The following GSDME variants were observed in gnomAD, a reference collection of about 807,000 sequenced individuals.
GSDME encodes the protein gasdermin-E.
Under a neutral mutation model 47.5 loss-of-function variants are expected in GSDME, and 44 were observed. The ratio of observed to expected loss-of-function variants is 0.93; its 90% CI spans 0.73 to 1.19. The LOEUF (loss-of-function observed/expected upper bound fraction) is 1.19. GSDME is among the 50% of genes most tolerant of loss of function. The pLI is 0.00. For synonymous variants in GSDME, 258 were observed against 252.8 expected (o/e 1.02, Z -0.20); for missense variants, 663 against 604.2 (o/e 1.10, Z -1.02).
At chr7:24,717,169 C>T (rs1789593109) in intron 5 of GSDME, 85 bp downstream of exon 5, 10 of 1,166,476 alleles carry the variant, frequency 8.6e-6, no homozygotes, top group Non-Finnish European at 1.2e-5. Context: ...CCAAAGCAGT[C>T]GAGTCCTCTG....
chr7:24,765,280 T>G, the GSDME span, among the ~76,000 whole-genome samples: 5 of 152,236 alleles, frequency 3.3e-5, no homozygotes, highest in Admixed American at 6.5e-5. Context: ...GGATCCTTTC[T>G]TGTCGAAAAT....
At chr7:24,711,159 C>T (rs1789337849) in intron 5 of GSDME, among the ~76,000 whole-genome samples, 1 of 152,172 alleles carries the variant, frequency 6.6e-6, no homozygotes, top group African/African-American at 2.4e-5. Context: ...CACATGGGAG[C>T]TCACTACATT....
intron 1 of GSDME, among the ~76,000 whole-genome samples, chr7:24,755,621 C>T (rs1790990085): frequency 6.6e-6 from 1 of 152,198 alleles, no homozygotes; most frequent in South Asian, 2.1e-4. Flanking sequence ...AGGTCTTTGA[C>T]TGGAGGGGAT....
At chr7:24,741,293 GAAT>G (rs1280661466) in intron 3 of GSDME, among the ~76,000 whole-genome samples, 5 of 151,574 alleles carry the variant, frequency 3.3e-5, no homozygotes, top group African/African-American at 1.2e-4. Context: ...GCGTATTACA[GAAT>G]AATAATGAAA....
At chr7:24,730,862 A>T (rs1382004453) in intron 3 of GSDME, among the ~76,000 whole-genome samples, 1 of 152,136 alleles carries the variant, frequency 6.6e-6, no homozygotes, top group Non-Finnish European at 1.5e-5. Context: ...AGACAAGGTG[A>T]TTTCTGTAAA....
At chr7:24,706,840 G>C (rs945410383) in intron 7 of GSDME, among the ~76,000 whole-genome samples, 1 of 151,642 alleles carries the variant, frequency 6.6e-6, no homozygotes. Context: ...GAGCCAGTTC[G>C]GACCACCCCG....
chr7:24,751,112 T>C (rs1267249942), intron 1 of GSDME, among the ~76,000 whole-genome samples: 1 of 152,194 alleles, frequency 6.6e-6, no homozygotes, highest in Non-Finnish European at 1.5e-5. Context: ...TTGTAATATT[T>C]ATGAGAGGGA....
chr7:24,713,639 C>T (rs1392599076), intron 5 of GSDME, among the ~76,000 whole-genome samples: 2 of 152,190 alleles, frequency 1.3e-5, no homozygotes, highest in South Asian at 2.1e-4. Flanking sequence ...AGGGAAGGCA[C>T]GAGACCCATG....
chr7:24,770,314 A>G, the GSDME span, among the ~76,000 whole-genome samples: 1 of 152,196 alleles, frequency 6.6e-6, no homozygotes, highest in Non-Finnish European at 1.5e-5. This position sits in a 1 kb window ranked among gnomAD's most constrained non-coding sequence, Gnocchi z 4.6. Context: ...TCCTCCCTCC[A>G]CCCATATCTT....
At chr7:24,793,789 T>C in the GSDME span, among the ~76,000 whole-genome samples, 85 of 151,954 alleles carry the variant, frequency 5.6e-4, no homozygotes, top group South Asian at 1.2e-3. Flanking sequence ...CTTTTCTTTT[T>C]TTTTTTTTTT....
intron 9 of GSDME, among the ~76,000 whole-genome samples, chr7:24,699,565 C>A (rs1180345151): frequency 6.6e-6 from 1 of 152,146 alleles, no homozygotes; most frequent in Non-Finnish European, 1.5e-5. Flanking sequence ...GTCTCAAATT[C>A]CTGACCTCAG....
the GSDME span, among the ~76,000 whole-genome samples, chr7:24,775,895 A>AAAAG: frequency 6.8e-6 from 1 of 146,768 alleles, no homozygotes; most frequent in African/African-American, 2.5e-5. Context: ...AAAAAAAAAA[A>AAAAG]AAGGCCAGGC....
Position 24,756,263 on chromosome 7 carries a change from G to A in GSDME, c.-20+1133C>T, listed in dbSNP as rs938859589. ...GGCACCTGCGGTCTCAGCTACGGGT[G>A]TATGGGAGGATCCCTTGAGCCCAGG... On this transcript the variant is annotated intron_variant, in intron 1 of 9. Coordinates refer to ENST00000645220, the MANE Select transcript of GSDME (RefSeq NM_001127453.2). The surrounding 1 kb of genome is among the most constrained non-coding windows in gnomAD (Gnocchi z 4.2). 6.6e-6 allele frequency among the ~76,000 whole-genome samples: 1 copy of A among 152,182 alleles called. No individual in the cohort carries two copies. Among genetic ancestry groups the A allele is most frequent in the African/African-American group, 2.4e-5 (1 of 41,430 alleles).
chr7:24,722,966 AT>A (rs1481517497), intron 3 of GSDME, among the ~76,000 whole-genome samples: 1 of 152,194 alleles, frequency 6.6e-6, no homozygotes, highest in East Asian at 1.9e-4. Context: ...CAAGGCTAGG[AT>A]TCGGGTGACC....
At chr7:24,776,910 A>T in the GSDME span, among the ~76,000 whole-genome samples, 1 of 152,134 alleles carries the variant, frequency 6.6e-6, no homozygotes, top group Non-Finnish European at 1.5e-5. Flanking sequence ...CAAACTATTA[A>T]CAGTGTTTTC....
rs533440488 is a variant in GSDME at position 24,739,770 on chromosome 7, C to T, written c.404+4792G>A. ...ATAAAGAAAATGTGGTAAATATACACGATAGAGTACTATTTAGTCATTAAA... is the reference window on the plus strand; with the variant it reads ...ATAAAGAAAATGTGGTAAATATACATGATAGAGTACTATTTAGTCATTAAA... On this transcript the variant is annotated intron_variant, in intron 3 of 9. Coordinates refer to ENST00000645220, the MANE Select transcript of GSDME (RefSeq NM_001127453.2). The surrounding 1 kb of genome is among the most constrained non-coding windows in gnomAD (Gnocchi z 5.1). Among the ~76,000 whole-genome samples the T allele has an allele frequency of 5.3e-5, 8 of 151,976 alleles. No individual in the cohort carries two copies. The highest frequency in any genetic ancestry group is 9.7e-5 in the African/African-American group (4 of 41,348).
upstream of GSDME, among the ~76,000 whole-genome samples, chr7:24,762,708 G>A (rs1215479982): frequency 6.6e-6 from 1 of 152,140 alleles, no homozygotes; most frequent in African/African-American, 2.4e-5. Flanking sequence ...TAGAGGATGA[G>A]AAGTACAATG....
In GSDME at chr7:24,714,023, G is replaced by C. The variant is rs145559132; in HGVS notation, c.697+3231C>G. Among the ~76,000 whole-genome samples the C allele has an allele frequency of 1.3e-5, 2 of 152,326 alleles. No individual in the cohort carries two copies. Among genetic ancestry groups the C allele is most frequent in the South Asian group, 2.1e-4 (1 of 4,830 alleles). ...CAGTGGGGAGACGTGCACAGATTCA[G>C]GTGCAGCGTGGGAAACAGGTTCACG... is the stretch of plus-strand genomic sequence containing the variant. On this transcript the variant is annotated intron_variant, in intron 5 of 9. Transcript: ENST00000645220. The surrounding 1 kb of genome is among the most constrained non-coding windows in gnomAD (Gnocchi z 5.0).
At chr7:24,701,814 T>C (rs1399635367) in intron 9 of GSDME, among the ~76,000 whole-genome samples, 1 of 152,246 alleles carries the variant, frequency 6.6e-6, no homozygotes, top group African/African-American at 2.4e-5. Context: ...CTTTCAGTTG[T>C]GATACCTGAT....
Sources: allele counts gnomAD v4.1 joint callset (sites outside exome capture counted in the v4.1 genomes callset), GRCh38; gene constraint gnomAD v4.1.1; non-coding constraint Gnocchi (gnomAD v3.1); transcripts MANE v1.5; gene names NCBI Gene and HGNC (gene_info 2026-07-23, HGNC 2026-07-21).